NRG2: variants seen among roughly 807,000 people sequenced by gnomAD.
NRG2 encodes the protein pro-neuregulin-2, membrane-bound isoform.
NRG2 carries 27 observed loss-of-function variants against 73.9 expected under a neutral mutation model. The observed-to-expected ratio is 0.37, with a 90% CI of 0.27 to 0.50. The LOEUF (loss-of-function observed/expected upper bound fraction) is 0.50. Ranked by LOEUF, NRG2 falls within the 20% of genes least tolerant of loss-of-function variation. NRG2 has a pLI of 0.96. For missense variants in NRG2, 1,126 were observed against 1,210.1 expected, an observed-to-expected ratio of 0.93 and a Z score of 1.03; for synonymous variants, 532 against 541.0, an observed-to-expected ratio of 0.98 and a Z score of 0.23.
At chr5:140,026,098 C>A (rs1561762013) in intron 1 of NRG2, among the ~76,000 whole-genome samples, 1 of 152,102 alleles carries the variant, frequency 6.6e-6, no homozygotes, top group Admixed American at 6.6e-5. Context: ...GCATACTAAG[C>A]CAAGGAAACA....
rs148290721 is a variant in NRG2 at position 140,008,412 on chromosome 5, T to C, written c.700+33958A>G. 5.4e-4 allele frequency among the ~76,000 whole-genome samples: 82 copies of C among 152,340 alleles called. 1 individual carries two copies. In the East Asian group the frequency reaches 0.015, roughly 29 times the overall value. ...TGAGCACCTATTATGTGCCAGAAAC[T>C]GAACTAGGTAATGGTCATTTGGGTC... On this transcript the variant is annotated intron_variant, in intron 1 of 9. Coordinates refer to ENST00000361474, the MANE Select transcript of NRG2 (RefSeq NM_004883.3). The surrounding 1 kb of genome is among the most constrained non-coding windows in gnomAD (Gnocchi z 4.2).
In NRG2 at chr5:139,851,858, A is replaced by G; in HGVS notation, c.1545-27T>C. On this transcript the variant is annotated intron_variant, in intron 8 of 9. Transcript: ENST00000361474. This position sits in a 1 kb window ranked among gnomAD's most constrained non-coding sequence, Gnocchi z 4.2. ...TGGGAAGGCCAGATGGGGTGAGACG[A>G]GGGGTCAGGAAGGGGCAGGGCGGCC... is the stretch of plus-strand genomic sequence containing the variant. 1 of 1,608,916 alleles carries G rather than the reference A, an allele frequency of 6.2e-7. No homozygotes were observed. Among genetic ancestry groups the G allele is most frequent in the Non-Finnish European group, 8.5e-7 (1 of 1,176,428 alleles).
chr5:139,980,448 T>A (rs1429236338), intron 1 of NRG2, among the ~76,000 whole-genome samples: 1 of 152,086 alleles, frequency 6.6e-6, no homozygotes, highest in Non-Finnish European at 1.5e-5. Context: ...AAGCCTTAGA[T>A]CCATAGGAAT....
chr5:139,907,768 G>A (rs1765327151), intron 1 of NRG2, among the ~76,000 whole-genome samples: 1 of 152,202 alleles, frequency 6.6e-6, no homozygotes, highest in African/African-American at 2.4e-5. Flanking sequence ...GATTTTGATG[G>A]GGGTCAGGTG....
chr5:139,909,352 A>G (rs1225201996), intron 1 of NRG2, among the ~76,000 whole-genome samples: 1 of 152,054 alleles, frequency 6.6e-6, no homozygotes, highest in African/African-American at 2.4e-5. Context: ...AGACTTTGGG[A>G]CTCCGAGTCT....
In NRG2 at chr5:140,015,181, C is replaced by G. The variant is rs181376516; in HGVS notation, c.700+27189G>C. 2.0e-3 allele frequency among the ~76,000 whole-genome samples: 298 copies of G among 152,176 alleles called. 3 individuals are homozygous for G. Among genetic ancestry groups the G allele is most frequent in the African/African-American group, 6.9e-3 (287 of 41,526 alleles). On this transcript the variant is annotated intron_variant, in intron 1 of 9. Coordinates refer to ENST00000361474, the MANE Select transcript of NRG2 (RefSeq NM_004883.3). ...TTTTTTTTTCTTATAATATTTATAA[C>G]TTTCTAAATATTATCTAATTTGCTT...
In NRG2 at chr5:139,904,317, G is replaced by A. The variant is rs1198379790; in HGVS notation, c.701-16806C>T. 6 of 1,591,152 alleles carry A rather than the reference G, an allele frequency of 3.8e-6. No homozygotes were observed. The highest frequency in any genetic ancestry group is 1.7e-4 in the Middle Eastern group (1 of 5,740). Reference sequence around the variant, plus strand: ...GCGGAGGTGCCCTACCTTTCTCCCCGGGATCGGGCTCCCTCTCCCGCTTCC... The same window carrying A: ...GCGGAGGTGCCCTACCTTTCTCCCCAGGATCGGGCTCCCTCTCCCGCTTCC... On this transcript the variant is annotated intron_variant, in intron 1 of 9. Coordinates refer to ENST00000361474, the MANE Select transcript of NRG2 (RefSeq NM_004883.3). This position sits in a 1 kb window ranked among gnomAD's most constrained non-coding sequence, Gnocchi z 6.0.
intron 1 of NRG2, among the ~76,000 whole-genome samples, chr5:140,038,282 CTGTT>C (rs926673476): frequency 6.6e-6 from 1 of 152,132 alleles, no homozygotes. Flanking sequence ...AGCTCTCAAA[CTGTT>C]TGTTAATTCA....
At chr5:139,967,217 T>A (rs1031982052) in intron 1 of NRG2, among the ~76,000 whole-genome samples, 8 of 152,136 alleles carry the variant, frequency 5.3e-5, no homozygotes, top group African/African-American at 1.9e-4. Context: ...AGAGTCAACC[T>A]CATGCCTAGA....
rs1010781402 is a variant in NRG2 at position 139,851,726 on chromosome 5, T to G, written c.1650A>C (p.Pro550=). 41 of 1,614,238 alleles carry G rather than the reference T, an allele frequency of 2.5e-5. No homozygotes were observed. The African/African-American group carries it at 4.5e-4, about 18-fold the overall frequency. Residue 550 remains proline (P), a synonymous_variant, in exon 9 of 10, where the codon CCA becomes CCC. Coordinates refer to ENST00000361474, the MANE Select transcript of NRG2 (RefSeq NM_004883.3). The surrounding 1 kb of genome is among the most constrained non-coding windows in gnomAD (Gnocchi z 4.2). ...SSVGTSKCNS[P]ACVEARARRA... ...GCCTTGCCCGGGCCTCCACACATGC[T>G]GGGCTGTTGCATTTGCTGGTACCCA...
chr5:139,970,342 G>A (rs1755872861), intron 1 of NRG2, among the ~76,000 whole-genome samples: 2 of 152,088 alleles, frequency 1.3e-5, no homozygotes, highest in African/African-American at 2.4e-5. Context: ...TAAGGTCTGG[G>A]TACAGGATCA....
At chr5:139,971,898 C>G (rs1755998927) in intron 1 of NRG2, among the ~76,000 whole-genome samples, 1 of 152,052 alleles carries the variant, frequency 6.6e-6, no homozygotes, top group Non-Finnish European at 1.5e-5. Flanking sequence ...TCAAATTTAT[C>G]TAGAAGAATA....
intron 6 of NRG2, 121 bp downstream of exon 6, chr5:139,855,555 T>C: frequency 1.2e-6 from 1 of 817,690 alleles, no homozygotes; most frequent in East Asian, 2.5e-5. Flanking sequence ...GAGGGGTAGT[T>C]GGGGCCTAGG....
chr5:140,037,572 C>T (rs933642163), intron 1 of NRG2, among the ~76,000 whole-genome samples: 2 of 152,122 alleles, frequency 1.3e-5, no homozygotes, highest in East Asian at 3.9e-4. Context: ...ACAAAATTGG[C>T]TTAATGGCAA....
intron 1 of NRG2, among the ~76,000 whole-genome samples, chr5:139,942,700 T>C (rs1457087745): frequency 6.6e-6 from 1 of 152,266 alleles, no homozygotes; most frequent in Non-Finnish European, 1.5e-5. Flanking sequence ...TTTGAACAAC[T>C]ATTTTTGCAG....
intron 1 of NRG2, among the ~76,000 whole-genome samples, chr5:139,922,752 T>C (rs1486439689): frequency 6.6e-6 from 1 of 152,064 alleles, no homozygotes; most frequent in African/African-American, 2.4e-5. Flanking sequence ...AACCTGACAA[T>C]GGAATATTAT....
In NRG2 at chr5:140,042,974, C is replaced by T. The variant is rs775612077; in HGVS notation, c.96G>A (p.Arg32=). The change falls in exon 1 of 10, where the codon AGG becomes AGA. Residue 32 remains arginine, a synonymous_variant. Transcript: ENST00000361474. ...YSDSSSSSSE[R]SSSSSSSSSE... ...TGCTGCTGCTGCTGCTGCTGCTGCT[C>T]CTCTCGCTGCTGCTGCTGCTGCTGT... The T allele has an allele frequency of 5.8e-6, 9 of 1,538,892 alleles. No individual in the cohort carries two copies. The South Asian group carries it at 8.2e-5, about 14-fold the overall frequency.
intron 1 of NRG2, among the ~76,000 whole-genome samples, chr5:139,929,227 A>T (rs956470402): frequency 6.6e-6 from 1 of 152,130 alleles, no homozygotes; most frequent in Admixed American, 6.5e-5. Context: ...TGCTTCCCAA[A>T]CATACCTTAC....
At chr5:139,892,950 C>T (rs1013934620) in intron 1 of NRG2, among the ~76,000 whole-genome samples, 8 of 152,100 alleles carry the variant, frequency 5.3e-5, no homozygotes, top group African/African-American at 1.4e-4. Flanking sequence ...AGAAATGATC[C>T]GCTGTATATG....
Sources: gnomAD v4.1 joint callset for allele counts (sites outside exome capture counted in the v4.1 genomes callset) on GRCh38, gnomAD v4.1.1 for gene constraint, Gnocchi (gnomAD v3.1) non-coding constraint, MANE v1.5 for transcripts, NCBI Gene and HGNC (gene_info 2026-07-23, HGNC 2026-07-21) for gene names.